The following TCF7L1 variants were observed in gnomAD, a reference collection of about 807,000 sequenced individuals.
TCF7L1 encodes the protein transcription factor 7-like 1.
Under a neutral mutation model 63.7 loss-of-function variants are expected in TCF7L1, and 18 were observed. That is an observed-to-expected ratio of 0.28 (90% confidence interval 0.20 to 0.42). TCF7L1 has a LOEUF of 0.42. Ranked by LOEUF, TCF7L1 falls within the 10% of genes least tolerant of loss-of-function variation. The pLI is 1.00. For synonymous variants in TCF7L1, 355 were observed against 340.9 expected, an observed-to-expected ratio of 1.04 and a Z score of -0.46; for missense variants, 654 against 779.3, an observed-to-expected ratio of 0.84 and a Z score of 1.91.
At chr2:85,245,833 TAA>T (rs58364125) in intron 3 of TCF7L1, among the ~76,000 whole-genome samples, 8,135 of 131,330 alleles carry the variant, frequency 0.062, 291 homozygotes, top group Non-Finnish European at 0.087. Flanking sequence ...ATTAATTAAT[TAA>T]AAAAAAAAAA....
chr2:85,268,122 T>C (rs1405706433), intron 3 of TCF7L1, among the ~76,000 whole-genome samples: 2 of 152,224 alleles, frequency 1.3e-5, no homozygotes, highest in Non-Finnish European at 2.9e-5. Context: ...TTTTATTTGA[T>C]CACTTTAGGT....
intron 3 of TCF7L1, among the ~76,000 whole-genome samples, chr2:85,223,373 G>A (rs1250780432): frequency 3.9e-5 from 6 of 152,186 alleles, no homozygotes; most frequent in African/African-American, 1.4e-4. Flanking sequence ...AAAATAAAAG[G>A]TTTTAAATAT....
chr2:85,288,521 A>G (rs1354344026), intron 4 of TCF7L1, among the ~76,000 whole-genome samples: 1 of 152,152 alleles, frequency 6.6e-6, no homozygotes, highest in African/African-American at 2.4e-5. Context: ...TATGAAATGT[A>G]TTTTAGAGTC....
intron 3 of TCF7L1, among the ~76,000 whole-genome samples, chr2:85,201,278 A>G (rs1679267098): frequency 1.3e-5 from 2 of 152,234 alleles, no homozygotes; most frequent in South Asian, 4.1e-4. Context: ...TGCAGTGATT[A>G]TATTGCATCT....
intron 3 of TCF7L1, among the ~76,000 whole-genome samples, chr2:85,244,199 C>T (rs927825981): frequency 6.6e-6 from 1 of 152,028 alleles, no homozygotes; most frequent in South Asian, 2.1e-4. Flanking sequence ...CTGAAGGAGG[C>T]ACAGTCAGAA....
intron 3 of TCF7L1, among the ~76,000 whole-genome samples, chr2:85,152,018 T>C (rs1678028166): frequency 6.6e-6 from 1 of 152,250 alleles, no homozygotes; most frequent in African/African-American, 2.4e-5. Flanking sequence ...CTACTTAATG[T>C]CTTTCAATCC....
intron 3 of TCF7L1, among the ~76,000 whole-genome samples, chr2:85,144,268 C>T (rs952023353): frequency 1.3e-5 from 2 of 151,956 alleles, no homozygotes; most frequent in African/African-American, 2.4e-5. Flanking sequence ...ACTATTTCAG[C>T]GTTAATTGAC....
intron 3 of TCF7L1, among the ~76,000 whole-genome samples, chr2:85,251,332 A>G (rs975538341): frequency 1.3e-5 from 2 of 152,252 alleles, no homozygotes; most frequent in Non-Finnish European, 2.9e-5. Flanking sequence ...TCTAAATGAT[A>G]ATCAGCACTC....
intron 4 of TCF7L1, among the ~76,000 whole-genome samples, chr2:85,301,835 C>A (rs1681985475): frequency 6.6e-6 from 1 of 152,026 alleles, no homozygotes; most frequent in African/African-American, 2.4e-5. Flanking sequence ...GTGTGTTAAA[C>A]CTTTTCAGGG....
intron 3 of TCF7L1, among the ~76,000 whole-genome samples, chr2:85,269,402 G>A (rs996568200): frequency 4.6e-5 from 7 of 152,208 alleles, no homozygotes; most frequent in Non-Finnish European, 8.8e-5. Context: ...TTGTGTATAC[G>A]TATATACATG....
At chr2:85,241,733 T>G (rs1680338532) in intron 3 of TCF7L1, among the ~76,000 whole-genome samples, 1 of 152,132 alleles carries the variant, frequency 6.6e-6, no homozygotes, top group Non-Finnish European at 1.5e-5. Flanking sequence ...GCATGAGCCA[T>G]CGGGCCCAAC....
At chr2:85,143,477 C>T (rs888511487) in intron 3 of TCF7L1, among the ~76,000 whole-genome samples, 2 of 152,216 alleles carry the variant, frequency 1.3e-5, no homozygotes, top group Non-Finnish European at 2.9e-5. Flanking sequence ...ATTTGGAAAG[C>T]ACTTGGCAAT....
Position 85,303,886 on chromosome 2 carries a change from T to C in TCF7L1, c.659-9T>C. 2 of 1,602,902 alleles carry C rather than the reference T, an allele frequency of 1.2e-6. No homozygotes were observed. The highest frequency in any genetic ancestry group is 1.7e-6 in the Non-Finnish European group (2 of 1,171,754). On this transcript the variant is annotated splice_polypyrimidine_tract_variant and intron_variant, in intron 5 of 11. Coordinates refer to ENST00000282111, the MANE Select transcript of TCF7L1 (RefSeq NM_031283.3). ...GGGAACAGTCTGACATATCTCTCTTTGGAAGCAGGAATCCCCCGGCCCCCT... is the reference window on the plus strand; with the variant it reads ...GGGAACAGTCTGACATATCTCTCTTCGGAAGCAGGAATCCCCCGGCCCCCT...
chr2:85,217,449 C>T (rs1355670622), intron 3 of TCF7L1, among the ~76,000 whole-genome samples: 1 of 152,172 alleles, frequency 6.6e-6, no homozygotes, highest in Non-Finnish European at 1.5e-5. Flanking sequence ...TTTGATGTCA[C>T]TCACTACTCA....
At chr2:85,269,916 G>T (rs1248742589) in intron 3 of TCF7L1, among the ~76,000 whole-genome samples, 2 of 152,176 alleles carry the variant, frequency 1.3e-5, no homozygotes, top group Admixed American at 1.3e-4. Flanking sequence ...GAGGTGGCTG[G>T]TGTGACCCTT....
intron 3 of TCF7L1, among the ~76,000 whole-genome samples, chr2:85,175,391 C>T (rs1678656742): frequency 6.6e-6 from 1 of 152,172 alleles, no homozygotes; most frequent in Admixed American, 6.5e-5. Flanking sequence ...TGTGTAAATT[C>T]CACAGGATAG....
intron 3 of TCF7L1, among the ~76,000 whole-genome samples, chr2:85,150,981 A>G (rs970358835): frequency 6.6e-6 from 1 of 152,150 alleles, no homozygotes; most frequent in African/African-American, 2.4e-5. Context: ...CAGTTGCTAG[A>G]TTGTTTCTGT....
chr2:85,213,862 A>G (rs1009816977), intron 3 of TCF7L1, among the ~76,000 whole-genome samples: 6 of 152,186 alleles, frequency 3.9e-5, no homozygotes, highest in Middle Eastern at 3.2e-3. Flanking sequence ...AACGTCTCAC[A>G]GCTCCAACCC....
chr2:85,133,973 C>G lies in TCF7L1; in HGVS notation c.249+40C>G, dbSNP rs745780799. 1.3e-6 allele frequency: 2 copies of G among 1,586,864 alleles called. No individual in the cohort carries two copies. The highest frequency in any genetic ancestry group is 4.6e-5 in the East Asian group (2 of 43,466). Reference sequence around the variant, plus strand: ...CGGCCACCCCCGGGGGATCCCGGCCCTGCGTCCGCTCACCCGCTCTTGCCT... The same window carrying G: ...CGGCCACCCCCGGGGGATCCCGGCCGTGCGTCCGCTCACCCGCTCTTGCCT... On this transcript the variant is annotated intron_variant, in intron 1 of 11. Coordinates refer to ENST00000282111, the MANE Select transcript of TCF7L1 (RefSeq NM_031283.3). This position sits in a 1 kb window ranked among gnomAD's most constrained non-coding sequence, Gnocchi z 4.4.
Sources: allele counts gnomAD v4.1 joint callset (sites outside exome capture counted in the v4.1 genomes callset), GRCh38; gene constraint gnomAD v4.1.1; non-coding constraint Gnocchi (gnomAD v3.1); transcripts MANE v1.5; gene names NCBI Gene and HGNC (gene_info 2026-07-23, HGNC 2026-07-21).